TCTN2: variants seen among roughly 807,000 people sequenced by gnomAD.
TCTN2 encodes tectonic-2.
A neutral mutation model predicts 83.4 loss-of-function variants in TCTN2; 66 were observed. The observed-to-expected ratio is 0.79, with a 90% CI of 0.65 to 0.97. The LOEUF is 0.97. TCTN2 is among the 50% of genes least tolerant of loss of function. The pLI, the probability that TCTN2 is intolerant of heterozygous loss-of-function variation, is 0.00. For missense variants in TCTN2, 794 were observed against 858.1 expected (o/e 0.93, Z 0.93); for synonymous variants, 301 against 326.7 (o/e 0.92, Z 0.85).
At chr12:123,687,067 C>T in intron 6 of TCTN2, 32 bp downstream of exon 6, 1 of 1,612,964 alleles carries the variant, frequency 6.2e-7, no homozygotes, top group Non-Finnish European at 8.5e-7. Context: ...TGGGATGGGG[C>T]ATTGTTCTCC....
intron 17 of TCTN2, 66 bp from the exon 18 acceptor site, chr12:123,707,538 T>C: frequency 6.8e-7 from 1 of 1,471,290 alleles, no homozygotes; most frequent in Non-Finnish European, 9.5e-7. Context: ...ACACCCAGCC[T>C]ATACCTACAC....
chr12:123,704,408 A>G, intron 14 of TCTN2, 124 bp from the exon 15 acceptor site: 1 of 982,112 alleles, frequency 1.0e-6, no homozygotes, highest in Non-Finnish European at 1.5e-6. Context: ...TAGAGCCTGT[A>G]AGAGACTAAA....
At chr12:123,704,275 G>GTA (rs1956204226) in intron 14 of TCTN2, among the ~76,000 whole-genome samples, 1 of 152,086 alleles carries the variant, frequency 6.6e-6, no homozygotes, top group Non-Finnish European at 1.5e-5. Context: ...AAAGTGCTGG[G>GTA]ATTACGGCGT....
intron 7 of TCTN2, among the ~76,000 whole-genome samples, chr12:123,689,227 A>T (rs570210253): frequency 1.1e-3 from 168 of 151,252 alleles, no homozygotes; most frequent in African/African-American, 3.9e-3. Flanking sequence ...ATTCCTGGCT[A>T]ATTTTTTGTA....
intron 14 of TCTN2, among the ~76,000 whole-genome samples, chr12:123,703,944 T>C (rs910257041): frequency 2.0e-5 from 3 of 151,960 alleles, no homozygotes; most frequent in Non-Finnish European, 1.5e-5. Context: ...TCATGATTTA[T>C]GGCTTTAATA....
intron 13 of TCTN2, among the ~76,000 whole-genome samples, chr12:123,697,705 T>C (rs1226224114): frequency 2.0e-5 from 3 of 152,012 alleles, no homozygotes; most frequent in Admixed American, 2.0e-4. Flanking sequence ...TTTCACAATG[T>C]TGGTCTCAAA....
intron 13 of TCTN2, 26 bp from the exon 14 acceptor site, chr12:123,699,678 C>T (rs1286549626): frequency 6.3e-7 from 1 of 1,575,750 alleles, no homozygotes; most frequent in African/African-American, 1.3e-5. Flanking sequence ...TGGCCATGAG[C>T]TGAGAAATGT....
At chr12:123,695,008 C>G in intron 10 of TCTN2, 32 bp downstream of exon 10, 1 of 1,610,212 alleles carries the variant, frequency 6.2e-7, no homozygotes, top group Admixed American at 1.7e-5. Context: ...AGCATGCTTT[C>G]ACTGAAAAGT....
intron 8 of TCTN2, among the ~76,000 whole-genome samples, chr12:123,691,309 C>G (rs928246991): frequency 8.5e-5 from 13 of 152,346 alleles, no homozygotes; most frequent in African/African-American, 2.9e-4. Context: ...CTCCCTACCC[C>G]TCTTCCCTCA....
chr12:123,696,444 C>T lies in TCTN2; in HGVS notation c.1342C>T (p.Leu448=). 1 of 1,614,126 alleles carries T rather than the reference C, an allele frequency of 6.2e-7. No homozygotes were observed. Residue 448 remains leucine (L), a synonymous_variant, in exon 12 of 18, where the codon CTA becomes TTA. Transcript: ENST00000303372. ...GYQLGKPVRA[L]NINRMNNVTT... ...CCAACTTGGCAAGCCTGTCCGAGCTCTAAATATCAACAGGATGAATAATGT... is the reference window on the plus strand; with the variant it reads ...CCAACTTGGCAAGCCTGTCCGAGCTTTAAATATCAACAGGATGAATAATGT...
At chr12:123,690,938 G>A (rs569301748) in intron 8 of TCTN2, among the ~76,000 whole-genome samples, 2 of 152,098 alleles carry the variant, frequency 1.3e-5, no homozygotes, top group African/African-American at 4.8e-5. Context: ...GCGTGATCTC[G>A]GCTCACTGTA....
chr12:123,704,441 C>G, intron 14 of TCTN2, 91 bp from the exon 15 acceptor site: 1 of 1,343,396 alleles, frequency 7.4e-7, no homozygotes, highest in Non-Finnish European at 1.0e-6. Flanking sequence ...TGATGCCTGC[C>G]TGATATTATT....
intron 9 of TCTN2, among the ~76,000 whole-genome samples, chr12:123,693,717 G>T (rs1956074487): frequency 1.3e-5 from 2 of 151,956 alleles, no homozygotes. Flanking sequence ...GCCTCCCAAA[G>T]TGCAGGGGTT....
At chr12:123,690,482 T>C in intron 7 of TCTN2, 51 bp from the exon 8 acceptor site, 1 of 1,613,444 alleles carries the variant, frequency 6.2e-7, no homozygotes, top group South Asian at 1.1e-5. Context: ...ATCTGTTTTG[T>C]ATGATTAGGA....
At chr12:123,671,755 G>C (rs1955756065) in intron 2 of TCTN2, 141 bp downstream of exon 2, 7 of 730,204 alleles carry the variant, frequency 9.6e-6, no homozygotes, top group African/African-American at 1.7e-5. Context: ...TCGGGCGGCT[G>C]CTGTAGGCCA....
At chr12:123,684,817 C>T (rs113550572) in intron 5 of TCTN2, among the ~76,000 whole-genome samples, 109 of 152,010 alleles carry the variant, frequency 7.2e-4, no homozygotes, top group Middle Eastern at 3.4e-3. Context: ...TTTGGGAGGC[C>T]GAGGTGGGTT....
chr12:123,672,902 T>A lies in TCTN2; in HGVS notation c.268-713T>A, dbSNP rs1242327078. ...CCATCTCTACTAAAAATACAAAAATTAGCTGGGCGTGATGGCGGGTGCCTG... is the reference window on the plus strand; with the variant it reads ...CCATCTCTACTAAAAATACAAAAATAAGCTGGGCGTGATGGCGGGTGCCTG... On this transcript the variant is annotated intron_variant, in intron 3 of 17. Coordinates refer to ENST00000303372, the MANE Select transcript of TCTN2 (RefSeq NM_024809.5). Among the ~76,000 whole-genome samples the A allele has an allele frequency of 4.6e-5, 7 of 152,100 alleles. No individual in the cohort carries two copies. In the East Asian group the frequency reaches 1.3e-3, roughly 29 times the overall value.
chr12:123,681,065 T>G (rs1383029740), intron 5 of TCTN2, among the ~76,000 whole-genome samples: 1 of 151,860 alleles, frequency 6.6e-6, no homozygotes, highest in Admixed American at 6.6e-5. Flanking sequence ...GTTCAGGAGT[T>G]GGATACCAGC....
At chr12:123,706,551 G>A (rs2135862061) in intron 15 of TCTN2, among the ~76,000 whole-genome samples, 175 bp from the exon 16 acceptor site, 1 of 152,284 alleles carries the variant, frequency 6.6e-6, no homozygotes, top group East Asian at 1.9e-4. Flanking sequence ...CTTTGGATCT[G>A]TCTGTGGAAA....
Sources: allele counts gnomAD v4.1 joint callset (sites outside exome capture counted in the v4.1 genomes callset), GRCh38; gene constraint gnomAD v4.1.1; transcripts MANE v1.5; gene names NCBI Gene and HGNC (gene_info 2026-07-23, HGNC 2026-07-21).